CSNK2A2IP: variants seen among roughly 807,000 people sequenced by gnomAD.
CSNK2A2IP encodes casein kinase II subunit alpha'-interacting protein.
the CSNK2A2IP span, among the ~76,000 whole-genome samples, chr3:88,412,333 T>C: frequency 1.3e-5 from 2 of 151,952 alleles, no homozygotes; most frequent in Non-Finnish European, 2.9e-5. Flanking sequence ...GGGAAAGGCC[T>C]TCTACTAAAT....
the CSNK2A2IP span, among the ~76,000 whole-genome samples, chr3:88,461,949 G>A: frequency 6.6e-6 from 1 of 151,814 alleles, no homozygotes; most frequent in African/African-American, 2.4e-5. Flanking sequence ...ACATTGCCCA[G>A]GCTGGACTCC....
At chr3:88,462,135 ATG>A in the CSNK2A2IP span, among the ~76,000 whole-genome samples, 578 of 142,972 alleles carry the variant, frequency 4.0e-3, 5 homozygotes, top group African/African-American at 0.014. Context: ...ATATATATAT[ATG>A]TATTGTAAAT....
At chr3:88,416,141 C>T in the CSNK2A2IP span, among the ~76,000 whole-genome samples, 2 of 151,488 alleles carry the variant, frequency 1.3e-5, no homozygotes, top group African/African-American at 2.4e-5. Flanking sequence ...TGTGGTGGCA[C>T]GCGCCTGTAG....
At chr3:88,446,040 T>TTCTC in the CSNK2A2IP span, among the ~76,000 whole-genome samples, 2,072 of 37,854 alleles carry the variant, frequency 0.055, 162 homozygotes, top group East Asian at 0.11. Context: ...TTTTCTTTCT[T>TTCTC]TCTTTCTTTC....
chr3:88,371,120 T>C, the CSNK2A2IP span, among the ~76,000 whole-genome samples: 1 of 151,788 alleles, frequency 6.6e-6, no homozygotes, highest in African/African-American at 2.4e-5. Flanking sequence ...ATGACAAGTT[T>C]GCAACAAGAA....
At chr3:88,435,933 G>A in the CSNK2A2IP span, among the ~76,000 whole-genome samples, 54,008 of 116,408 alleles carry the variant, frequency 0.46, 11,276 homozygotes, top group Non-Finnish European at 0.55. Context: ...CACATTATGT[G>A]TGCATTATAT....
chr3:88,370,959 A>T, the CSNK2A2IP span, among the ~76,000 whole-genome samples: 1 of 151,758 alleles, frequency 6.6e-6, no homozygotes, highest in Admixed American at 6.6e-5. Flanking sequence ...ATGAGAAAGT[A>T]GCCCTCTGAA....
chr3:88,408,323 T>C, the CSNK2A2IP span, among the ~76,000 whole-genome samples: 3 of 151,648 alleles, frequency 2.0e-5, no homozygotes, highest in African/African-American at 7.3e-5. Flanking sequence ...TAGTTTCTAA[T>C]GGTTTGTTTT....
chr3:88,449,589 A>G, the CSNK2A2IP span, among the ~76,000 whole-genome samples: 2 of 151,004 alleles, frequency 1.3e-5, no homozygotes, highest in African/African-American at 4.9e-5. Context: ...TTGCTCAACT[A>G]ATCCTCCTGT....
At chr3:88,467,129 A>G in the CSNK2A2IP span, 2 of 427,040 alleles carry the variant, frequency 4.7e-6, no homozygotes, top group East Asian at 3.5e-5. Flanking sequence ...CAACAGCCCC[A>G]GGCTATTGAC....
the CSNK2A2IP span, chr3:88,466,858 CT>C: frequency 9.1e-7 from 1 of 1,101,334 alleles, no homozygotes; most frequent in Non-Finnish European, 1.2e-6. Context: ...TTGTGCAACA[CT>C]TTCTGTCATA....
At chr3:88,429,592 G>A in the CSNK2A2IP span, among the ~76,000 whole-genome samples, 1 of 151,134 alleles carries the variant, frequency 6.6e-6, no homozygotes, top group African/African-American at 2.4e-5. Context: ...ACGAGGCTAT[G>A]TTCTCTATAC....
the CSNK2A2IP span, among the ~76,000 whole-genome samples, chr3:88,435,493 T>C: frequency 6.6e-6 from 1 of 152,258 alleles, no homozygotes; most frequent in Non-Finnish European, 1.5e-5. Flanking sequence ...TCTATAGTTA[T>C]CTATCAACCA....
the CSNK2A2IP span, among the ~76,000 whole-genome samples, chr3:88,344,443 A>G: frequency 6.6e-6 from 1 of 151,948 alleles, no homozygotes; most frequent in Non-Finnish European, 1.5e-5. Context: ...AAATATTGGG[A>G]GAAAACAACA....
chr3:88,377,290 G>A, the CSNK2A2IP span, among the ~76,000 whole-genome samples: 3 of 151,622 alleles, frequency 2.0e-5, no homozygotes, highest in Admixed American at 2.0e-4. Flanking sequence ...ATATACTGGT[G>A]CCCCTTTACC....
At chr3:88,386,326 A>C in the CSNK2A2IP span, among the ~76,000 whole-genome samples, 2 of 152,210 alleles carry the variant, frequency 1.3e-5, no homozygotes, top group South Asian at 4.1e-4. Flanking sequence ...GGGTTTCACC[A>C]TGTTGGCCGG....
At chr3:88,429,576 C>G in the CSNK2A2IP span, among the ~76,000 whole-genome samples, 2 of 60,022 alleles carry the variant, frequency 3.3e-5, no homozygotes, top group African/African-American at 8.5e-5. Flanking sequence ...ATAGCTGGCT[C>G]TCTGAACGAG....
the CSNK2A2IP span, among the ~76,000 whole-genome samples, chr3:88,436,092 A>G: frequency 3.9e-5 from 6 of 152,006 alleles, no homozygotes; most frequent in African/African-American, 7.2e-5. Flanking sequence ...GGAAGAAAAG[A>G]CAGTCATATT....
chr3:88,340,294 C>A, the CSNK2A2IP span, among the ~76,000 whole-genome samples: 1 of 151,858 alleles, frequency 6.6e-6, no homozygotes, highest in African/African-American at 2.4e-5. Flanking sequence ...GAAAGGAAAC[C>A]TCCAAGAAGG....
Sources: gnomAD v4.1 joint callset for allele counts (sites outside exome capture counted in the v4.1 genomes callset) on GRCh38, gnomAD v4.1.1 for gene constraint, MANE v1.5 for transcripts, NCBI Gene and HGNC (gene_info 2026-07-23, HGNC 2026-07-21) for gene names.